Variants in CRYL1 observed in about 807,000 individuals in gnomAD.
The protein encoded by CRYL1 is crystallin lambda 1, also known as lambda-crystallin homolog.
CRYL1 carries 29 observed loss-of-function variants against 36.6 expected under a neutral mutation model. The observed-to-expected ratio is 0.79, with a 90% confidence interval of 0.59 to 1.08. CRYL1 has a LOEUF of 1.08. CRYL1 is among the 50% of genes least tolerant of loss of function. The pLI, the probability that CRYL1 is intolerant of heterozygous loss-of-function variation, is 0.00. For missense variants in CRYL1, 411 were observed against 407.9 expected, an observed-to-expected ratio of 1.01 and a Z score of -0.06; for synonymous variants, 152 against 151.5, an observed-to-expected ratio of 1.00 and a Z score of -0.02.
chr13:20,496,733 T>C (rs901523071), intron 2 of CRYL1, among the ~76,000 whole-genome samples: 9 of 150,708 alleles, frequency 6.0e-5, no homozygotes, highest in African/African-American at 2.0e-4. Flanking sequence ...CTGGGCAACA[T>C]GGCAAAAAGG....
At chr13:20,479,809 C>A (rs1485247646) in intron 3 of CRYL1, among the ~76,000 whole-genome samples, 1 of 152,004 alleles carries the variant, frequency 6.6e-6, no homozygotes, top group Non-Finnish European at 1.5e-5. Flanking sequence ...CCTAAAGAAC[C>A]CTGGAAGGAA....
chr13:20,517,557 T>C (rs574298691), intron 1 of CRYL1, among the ~76,000 whole-genome samples: 3 of 151,750 alleles, frequency 2.0e-5, no homozygotes, highest in African/African-American at 4.8e-5. Flanking sequence ...ATCGCACCAC[T>C]GCACTCCAGC....
intron 6 of CRYL1, among the ~76,000 whole-genome samples, chr13:20,412,289 G>C (rs900836069): frequency 6.6e-5 from 10 of 152,030 alleles, no homozygotes; most frequent in Non-Finnish European, 1.5e-4. Context: ...AGACATACGA[G>C]AGACTCTGGT....
chr13:20,447,880 T>C (rs117880590), intron 3 of CRYL1, among the ~76,000 whole-genome samples: 1 of 152,284 alleles, frequency 6.6e-6, no homozygotes, highest in Non-Finnish European at 1.5e-5. Flanking sequence ...TAAAAACTGT[T>C]TGCCTCAGTA....
chr13:20,505,955 C>A (rs1158787473), intron 2 of CRYL1, among the ~76,000 whole-genome samples: 1 of 152,204 alleles, frequency 6.6e-6, no homozygotes, highest in Non-Finnish European at 1.5e-5. Flanking sequence ...TCTCTGAACT[C>A]ATTGCACTGA....
chr13:20,506,270 ATG>A (rs1353521046), intron 2 of CRYL1, among the ~76,000 whole-genome samples: 1 of 152,170 alleles, frequency 6.6e-6, no homozygotes, highest in African/African-American at 2.4e-5. Flanking sequence ...CTCAGCTTAA[ATG>A]TGTGTGTTAT....
intron 5 of CRYL1, among the ~76,000 whole-genome samples, chr13:20,420,537 A>G (rs1258425047): frequency 6.9e-6 from 1 of 144,618 alleles, no homozygotes; most frequent in Non-Finnish European, 1.5e-5. Context: ...AAAAAAAAAG[A>G]CCAGCTAAAT....
chr13:20,434,134 C>T (rs1244501547), intron 4 of CRYL1, among the ~76,000 whole-genome samples: 1 of 152,194 alleles, frequency 6.6e-6, no homozygotes, highest in East Asian at 1.9e-4. Context: ...TGTCACATCC[C>T]CACACCCAAG....
intron 1 of CRYL1, among the ~76,000 whole-genome samples, chr13:20,524,868 G>A (rs566418357): frequency 6.6e-6 from 1 of 152,032 alleles, no homozygotes; most frequent in Non-Finnish European, 1.5e-5. Flanking sequence ...TACACTGATG[G>A]GGGGCGGAGT....
intron 2 of CRYL1, among the ~76,000 whole-genome samples, chr13:20,493,304 G>A (rs564407845): frequency 1.3e-5 from 2 of 152,340 alleles, no homozygotes; most frequent in East Asian, 3.9e-4. Context: ...ATAGGCAGCC[G>A]GTGGTGGCTG....
At chr13:20,466,729 C>CT (rs1465243834) in intron 3 of CRYL1, among the ~76,000 whole-genome samples, 1 of 124,560 alleles carries the variant, frequency 8.0e-6, no homozygotes, top group East Asian at 2.3e-4. Context: ...GTTGCACCTG[C>CT]TACATAAAAT....
intron 5 of CRYL1, among the ~76,000 whole-genome samples, chr13:20,428,480 C>CA (rs1045385318): frequency 4.6e-5 from 7 of 151,358 alleles, no homozygotes; most frequent in Admixed American, 2.6e-4. Context: ...AATTTAGATG[C>CA]AAAAAAAAAT....
intron 5 of CRYL1, among the ~76,000 whole-genome samples, chr13:20,428,836 G>T (rs147985286): frequency 1.4e-3 from 207 of 152,296 alleles, no homozygotes; most frequent in African/African-American, 4.8e-3. Flanking sequence ...CTGGACACAG[G>T]CACACAGCTC....
chr13:20,429,607 C>T (rs112271089), intron 5 of CRYL1, among the ~76,000 whole-genome samples: 2,103 of 152,278 alleles, frequency 0.014, 50 homozygotes, highest in African/African-American at 0.048. Context: ...GTAGCCAGCA[C>T]AATCACGGTA....
chr13:20,452,385 T>G (rs35773902), intron 3 of CRYL1, among the ~76,000 whole-genome samples: 6,970 of 152,256 alleles, frequency 0.046, 336 homozygotes, highest in Admixed American at 0.16. Flanking sequence ...AACCTGCTGT[T>G]GCTATATTAA....
intron 2 of CRYL1, among the ~76,000 whole-genome samples, chr13:20,496,518 G>A (rs186597439): frequency 6.6e-5 from 10 of 152,228 alleles, no homozygotes; most frequent in Admixed American, 6.5e-4. Flanking sequence ...CTAGGTCCTG[G>A]ACTTTGAATT....
intron 4 of CRYL1, among the ~76,000 whole-genome samples, chr13:20,434,846 T>C (rs2137395220): frequency 6.6e-6 from 1 of 151,270 alleles, no homozygotes; most frequent in Non-Finnish European, 1.5e-5. Context: ...TGAAGTCCTG[T>C]TACTTCTCTT....
At chr13:20,478,775 C>G (rs907795005) in intron 3 of CRYL1, among the ~76,000 whole-genome samples, 1 of 152,106 alleles carries the variant, frequency 6.6e-6, no homozygotes, top group Non-Finnish European at 1.5e-5. Context: ...CCACATCCAG[C>G]CCTCTTCTCG....
chr13:20,471,860 A>AT (rs1201449710), intron 3 of CRYL1, among the ~76,000 whole-genome samples: 72 of 111,688 alleles, frequency 6.4e-4, no homozygotes, highest in Admixed American at 2.0e-3. Flanking sequence ...CCTTTCTTTC[A>AT]TTTTTTTTTT....
Sources: allele counts gnomAD v4.1 joint callset (sites outside exome capture counted in the v4.1 genomes callset), GRCh38; gene constraint gnomAD v4.1.1; transcripts MANE v1.5; gene names NCBI Gene and HGNC (gene_info 2026-07-23, HGNC 2026-07-21).